The following BCLAF3 variants were observed in gnomAD, a reference collection of about 807,000 sequenced individuals.
The protein encoded by BCLAF3 is BCLAF1 and THRAP3 family member 3.
A neutral mutation model predicts 51.2 loss-of-function variants in BCLAF3; 24 were observed. The ratio of observed to expected loss-of-function variants is 0.47; its 90% confidence interval spans 0.34 to 0.66. BCLAF3 has a LOEUF of 0.66. BCLAF3 is among the 30% of genes least tolerant of loss of function. BCLAF3 has a pLI of 0.01. For synonymous variants in BCLAF3, 152 were observed against 176.6 expected (o/e 0.86, Z 1.10); for missense variants, 465 against 525.1 (o/e 0.89, Z 1.12).
chrX:19,976,092 G>T (rs1208462535), intron 1 of BCLAF3, among the ~76,000 whole-genome samples: 6 of 111,410 alleles, frequency 5.4e-5, no homozygotes, highest in Non-Finnish European at 3.8e-5. Context: ...ATGCACTCTA[G>T]CCTTGCATAT....
Position 19,970,312 on chromosome X carries a change from C to A in BCLAF3, c.-34-14G>T. 1.7e-6 allele frequency: 2 copies of A among 1,198,053 alleles called. No individual in the cohort carries two copies. The highest frequency in any genetic ancestry group is 2.3e-6 in the Non-Finnish European group (2 of 883,640). Reference sequence around the variant, plus strand: ...CCACTTTTTACACTGCAAAGAAACACAGGATTAGCAGGTTTGTAGAAAGAC... The same window carrying A: ...CCACTTTTTACACTGCAAAGAAACAAAGGATTAGCAGGTTTGTAGAAAGAC... On this transcript the variant is annotated splice_polypyrimidine_tract_variant and intron_variant, in intron 1 of 11. Coordinates refer to ENST00000379682, the MANE Select transcript of BCLAF3 (RefSeq NM_001367774.2).
At position 19,984,647 on chromosome X, in the gene BCLAF3, T is replaced by C. The variant is rs767001213; in HGVS notation, c.-35+6261A>G. ...TCTTCCATGTAGAAATTTAATAGCCTACTATTAAGCAACTCCTGGGTATTT... is the reference window on the plus strand; with the variant it reads ...TCTTCCATGTAGAAATTTAATAGCCCACTATTAAGCAACTCCTGGGTATTT... On this transcript the variant is annotated intron_variant, in intron 1 of 11. Transcript: ENST00000379682. Among the ~76,000 whole-genome samples, 4 of 111,798 alleles carry C rather than the reference T, an allele frequency of 3.6e-5. No homozygotes were observed. The East Asian group carries it at 1.1e-3, about 31-fold the overall frequency.
rs1430914053 is a variant in BCLAF3, at chrX:19,990,958, GCC to G, written c.-87_-86del. On this transcript the variant is annotated 5_prime_UTR_variant, in exon 1 of 12. Transcript: ENST00000379682. The stretch of plus-strand genomic sequence containing the variant: ...CGCCGCCGCCGCCGCCGCCGCCGCC[GCC>G]GCCGCCGCCGCCGGCCCCTCGGGCC... Among the ~76,000 whole-genome samples, 12 of 99,802 alleles carry G rather than the reference GCC, an allele frequency of 1.2e-4. No individual in the cohort carries two copies. The highest frequency in any genetic ancestry group is 2.5e-4 in the Non-Finnish European group (12 of 48,877). The allele number at this position is 99,802 out of a possible 115,157, so 86.7% of individuals were successfully genotyped here. A position where few individuals can be genotyped will look rare whatever the true frequency, so the allele number is the denominator to read the frequency against.
intron 10 of BCLAF3, among the ~76,000 whole-genome samples, chrX:19,933,924 C>T (rs960866118): frequency 2.7e-5 from 3 of 110,740 alleles, no homozygotes; most frequent in Non-Finnish European, 5.7e-5. Context: ...TACAGGTGCA[C>T]GCCACCATGC....
At position 19,974,002 on chromosome X, in the gene BCLAF3, GAACTGTACATGGT is replaced by G. The variant is rs780847004; in HGVS notation, c.-34-3717_-34-3705del. 6.2e-5 allele frequency among the ~76,000 whole-genome samples: 7 copies of G among 112,085 alleles called. No individual in the cohort carries two copies. The East Asian group carries it at 2.0e-3, about 31-fold the overall frequency. On this transcript the variant is annotated intron_variant, in intron 1 of 11. Transcript: ENST00000379682. ...TGGGAACTCTCAGTTACTGCTAGGT[GAACTGTACATGGT>G]ACAGTATAACCAGTTTGAAAATACC...
At chrX:19,949,653 C>T (rs191284430) in intron 8 of BCLAF3, among the ~76,000 whole-genome samples, 1 of 112,216 alleles carries the variant, frequency 8.9e-6, no homozygotes, top group Non-Finnish European at 1.9e-5. Context: ...TACCTCAACA[C>T]ATCGTTTCAC....
intron 2 of BCLAF3, among the ~76,000 whole-genome samples, chrX:19,967,841 T>C (rs1569508526): frequency 1.8e-5 from 2 of 112,284 alleles, no homozygotes; most frequent in Non-Finnish European, 3.8e-5. Flanking sequence ...ACCTTCCTCA[T>C]GTACCTACTA....
intron 1 of BCLAF3, among the ~76,000 whole-genome samples, chrX:19,970,685 T>C (rs1300206215): frequency 8.9e-6 from 1 of 112,143 alleles, no homozygotes; most frequent in African/African-American, 3.2e-5. Flanking sequence ...AAATATTTTA[T>C]TGATGTATTT....
chrX:19,949,406 C>A (rs2071406117), intron 8 of BCLAF3, among the ~76,000 whole-genome samples: 1 of 112,262 alleles, frequency 8.9e-6, no homozygotes, highest in Non-Finnish European at 1.9e-5. Context: ...GGTAAAGATA[C>A]ATCCTAAAGC....
At chrX:19,955,116 T>C (rs968349558) in intron 5 of BCLAF3, among the ~76,000 whole-genome samples, 1 of 111,422 alleles carries the variant, frequency 9.0e-6, no homozygotes, top group African/African-American at 3.3e-5. Flanking sequence ...CTGCTCTCAG[T>C]ATGCCTTTTC....
rs1218696157 is a variant in BCLAF3 at position 19,916,135 on chromosome X, A to T, written c.*1170T>A. On this transcript the variant is annotated 3_prime_UTR_variant, in exon 12 of 12. Coordinates refer to ENST00000379682, the MANE Select transcript of BCLAF3 (RefSeq NM_001367774.2). ...TCAACCTTCACATTTTAATTTTGAAAGCTCTGTCTTTGTAAGCACAGAACA... is the reference window on the plus strand; with the variant it reads ...TCAACCTTCACATTTTAATTTTGAATGCTCTGTCTTTGTAAGCACAGAACA... 8.9e-6 allele frequency: 1 copy of T among 112,573 alleles called. No homozygotes were observed. The highest frequency in any genetic ancestry group is 1.9e-5 in the Non-Finnish European group (1 of 53,246). The allele number at this position is 112,573 out of a possible 1,213,427, so 9.3% of individuals were successfully genotyped here. A position where few individuals can be genotyped will look rare whatever the true frequency, so the allele number is the denominator to read the frequency against.
intron 1 of BCLAF3, among the ~76,000 whole-genome samples, chrX:19,981,531 C>A (rs555207437): frequency 8.9e-6 from 1 of 111,768 alleles, no homozygotes; most frequent in South Asian, 3.7e-4. Flanking sequence ...GCAGTTCCCC[C>A]ACAAGTTAAA....
At chrX:19,924,779 T>A (rs2070307285) in intron 11 of BCLAF3, among the ~76,000 whole-genome samples, 3 of 111,264 alleles carry the variant, frequency 2.7e-5, no homozygotes, top group African/African-American at 9.8e-5. Context: ...AGAGGCAATG[T>A]TCCCAGAGGT....
In BCLAF3 at chrX:19,966,552, C is replaced by T. The variant is rs767351401; in HGVS notation, c.139G>A (p.Val47Ile). 9.1e-6 allele frequency: 11 copies of T among 1,209,161 alleles called. No individual in the cohort carries two copies. The highest frequency in any genetic ancestry group is 8.8e-5 in the Admixed American group (4 of 45,596). Residue 47 changes from valine (V) to isoleucine (I), a missense_variant, in exon 3 of 12, where the codon GTC becomes ATC. Val to Ile is a conservative substitution (Grantham distance 29). Coordinates refer to ENST00000379682, the MANE Select transcript of BCLAF3 (RefSeq NM_001367774.2). The stretch of plus-strand genomic sequence containing the variant: ...TTCTCACTGTCCATTCTCCACGCGA[C>T]GGGTCTTTTTGGATCCTTCCTATAT... ...CEYRKDPKRP[V>I]AWRMDSEKHG...
intron 1 of BCLAF3, among the ~76,000 whole-genome samples, chrX:19,976,610 C>T (rs1244637962): frequency 9.0e-6 from 1 of 111,316 alleles, no homozygotes; most frequent in African/African-American, 3.3e-5. Flanking sequence ...AGGCTGGTCT[C>T]GAACTCCTGA....
intron 3 of BCLAF3, 64 bp from the exon 4 acceptor site, chrX:19,965,770 A>G: frequency 9.6e-7 from 1 of 1,040,257 alleles, no homozygotes; most frequent in Admixed American, 3.4e-5. Flanking sequence ...TTATATGTGT[A>G]GAATGTCGGG....
intron 11 of BCLAF3, among the ~76,000 whole-genome samples, chrX:19,917,553 G>A (rs922953655): frequency 8.9e-6 from 1 of 111,774 alleles, no homozygotes; most frequent in Admixed American, 9.6e-5. Flanking sequence ...AAGAAAACAT[G>A]TGGTGCTAGA....
chrX:19,978,363 G>A (rs2072498047), intron 1 of BCLAF3, among the ~76,000 whole-genome samples: 1 of 111,644 alleles, frequency 9.0e-6, no homozygotes, highest in Non-Finnish European at 1.9e-5. Context: ...CAGGGGTTTG[G>A]AAGAAGTTGA....
intron 8 of BCLAF3, among the ~76,000 whole-genome samples, chrX:19,946,290 G>A (rs1375442007): frequency 8.9e-6 from 1 of 112,153 alleles, no homozygotes; most frequent in African/African-American, 3.2e-5. Context: ...GGCCATCTTG[G>A]CTCCTCAAGA....
Sources: gnomAD v4.1 joint callset for allele counts (sites outside exome capture counted in the v4.1 genomes callset) on GRCh38, gnomAD v4.1.1 for gene constraint, MANE v1.5 for transcripts, NCBI Gene and HGNC (gene_info 2026-07-23, HGNC 2026-07-21) for gene names.